Variants in OXCT1 observed in about 807,000 individuals in gnomAD.
OXCT1 encodes succinyl-CoA:3-ketoacid coenzyme A transferase 1, mitochondrial.
In OXCT1, 27 loss-of-function variants were observed where a neutral mutation model predicts 69.6. That is an observed-to-expected ratio of 0.39 (90% CI 0.29 to 0.54). OXCT1 has a LOEUF of 0.54. Among genes scored for constraint, OXCT1 ranks in the 20% least tolerant of loss-of-function variants. The pLI is 0.72. For missense variants in OXCT1, 437 were observed against 650.2 expected, an observed-to-expected ratio of 0.67 and a Z score of 3.57; for synonymous variants, 202 against 217.8, an observed-to-expected ratio of 0.93 and a Z score of 0.64.
At chr5:41,752,708 T>C (rs919054522) in intron 14 of OXCT1, among the ~76,000 whole-genome samples, 6 of 151,932 alleles carry the variant, frequency 3.9e-5, no homozygotes, top group African/African-American at 1.5e-4. Flanking sequence ...GCTCATGCCA[T>C]TGCACTCCAG....
chr5:41,835,814 C>T (rs1249773178), intron 7 of OXCT1, among the ~76,000 whole-genome samples: 1 of 152,182 alleles, frequency 6.6e-6, no homozygotes, highest in Non-Finnish European at 1.5e-5. Context: ...TCAGCAGCTT[C>T]AGTGGCTGAG....
rs1432811989 is a variant in OXCT1, at chr5:41,856,790, C to T, written c.279-3236G>A. Among the ~76,000 whole-genome samples the T allele has an allele frequency of 2.0e-5, 3 of 152,168 alleles. No homozygotes were observed. In the East Asian group the frequency reaches 5.8e-4, roughly 29 times the overall value. ...TAACATAAGCATTTTCAAGAGTGTA[C>T]TTTTGAGCTAGAATGCCCGGCAAGT... On this transcript the variant is annotated intron_variant, in intron 3 of 16. Coordinates refer to ENST00000196371, the MANE Select transcript of OXCT1 (RefSeq NM_000436.4).
At chr5:41,781,418 G>T (rs554026332) in intron 13 of OXCT1, among the ~76,000 whole-genome samples, 1 of 149,748 alleles carries the variant, frequency 6.7e-6, no homozygotes, top group Non-Finnish European at 1.5e-5. Context: ...TAAAGTGACC[G>T]CAGGGACACA....
At chr5:41,733,130 C>T (rs1023806776) in intron 16 of OXCT1, among the ~76,000 whole-genome samples, 55 of 151,958 alleles carry the variant, frequency 3.6e-4, no homozygotes, top group African/African-American at 1.3e-3. Flanking sequence ...CACATACGCA[C>T]AGATTTTCAA....
chr5:41,785,464 AT>A (rs1263639875), intron 13 of OXCT1, among the ~76,000 whole-genome samples: 1 of 152,244 alleles, frequency 6.6e-6, no homozygotes, highest in African/African-American at 2.4e-5. Flanking sequence ...ATTTTTAAAG[AT>A]TACTTAAAAG....
chr5:41,805,819 T>A, intron 8 of OXCT1, 138 bp from the exon 9 acceptor site: 1 of 673,612 alleles, frequency 1.5e-6, no homozygotes, highest in Admixed American at 2.2e-5. Context: ...ACCAGATATT[T>A]AAAAAATACT....
intron 3 of OXCT1, among the ~76,000 whole-genome samples, chr5:41,860,708 C>T (rs539226123): frequency 1.5e-4 from 23 of 152,218 alleles, no homozygotes; most frequent in African/African-American, 4.1e-4. Context: ...AAAAATATGG[C>T]TTTTCCTAAC....
At chr5:41,787,879 G>A (rs1017703598) in intron 13 of OXCT1, among the ~76,000 whole-genome samples, 12 of 151,912 alleles carry the variant, frequency 7.9e-5, no homozygotes, top group African/African-American at 2.9e-4. Flanking sequence ...TATAGAATTT[G>A]TGCTACAACA....
At position 41,808,700 on chromosome 5, in the gene OXCT1, G is replaced by A. The variant is rs562256122; in HGVS notation, c.733-1262C>T. Among the ~76,000 whole-genome samples the A allele has an allele frequency of 2.0e-5, 3 of 152,200 alleles. No individual in the cohort carries two copies. The East Asian group carries it at 5.8e-4, about 29-fold the overall frequency. ...GGGAAAGTGGGGCCGAAGACCCCTTGCCACTGCACTCTATGTCCTCCCCTT... is the reference window on the plus strand; with the variant it reads ...GGGAAAGTGGGGCCGAAGACCCCTTACCACTGCACTCTATGTCCTCCCCTT... On this transcript the variant is annotated intron_variant, in intron 7 of 16. Coordinates refer to ENST00000196371, the MANE Select transcript of OXCT1 (RefSeq NM_000436.4).
At chr5:41,801,603 GATTA>G (rs1430990536) in intron 10 of OXCT1, among the ~76,000 whole-genome samples, 1 of 152,068 alleles carries the variant, frequency 6.6e-6, no homozygotes, top group Non-Finnish European at 1.5e-5. Flanking sequence ...TTTCTGTGAG[GATTA>G]ATGAATACAA....
At chr5:41,743,886 T>C (rs1743327390) in intron 15 of OXCT1, among the ~76,000 whole-genome samples, 1 of 152,200 alleles carries the variant, frequency 6.6e-6, no homozygotes, top group Non-Finnish European at 1.5e-5. Flanking sequence ...ACTGTAGCCT[T>C]GTAGTATAGT....
intron 7 of OXCT1, among the ~76,000 whole-genome samples, chr5:41,813,274 G>A (rs1307324816): frequency 1.3e-5 from 2 of 152,036 alleles, no homozygotes; most frequent in African/African-American, 4.8e-5. Context: ...AAAGGTGTAT[G>A]CTCTGGTGTA....
intron 2 of OXCT1, 97 bp downstream of exon 2, chr5:41,862,545 A>G: frequency 1.4e-6 from 1 of 712,222 alleles, no homozygotes; most frequent in Admixed American, 2.1e-5. Flanking sequence ...ATAATAAAAT[A>G]ATTATCATTT....
chr5:41,851,197 G>GT (rs1554018338), intron 4 of OXCT1, among the ~76,000 whole-genome samples: 2 of 152,122 alleles, frequency 1.3e-5, no homozygotes, highest in Non-Finnish European at 2.9e-5. Context: ...ACCTTAAAAA[G>GT]TATTTTCTAC....
At chr5:41,752,076 C>T (rs1391963213) in intron 14 of OXCT1, among the ~76,000 whole-genome samples, 4 of 152,092 alleles carry the variant, frequency 2.6e-5, no homozygotes, top group African/African-American at 9.7e-5. Context: ...ATATTAGTGA[C>T]TCACAAAGGA....
In OXCT1 at chr5:41,730,243, T is replaced by C. The variant is rs1220334381; in HGVS notation, c.*1486A>G. 6.6e-6 allele frequency: 1 copy of C among 152,254 alleles called. No homozygotes were observed. Among genetic ancestry groups the C allele is most frequent in the Non-Finnish European group, 1.5e-5 (1 of 68,050 alleles). The allele number at this position is 152,254 out of a possible 1,614,324, so 9.4% of individuals were successfully genotyped here. A position where few individuals can be genotyped will look rare whatever the true frequency, so the allele number is the denominator to read the frequency against. On this transcript the variant is annotated 3_prime_UTR_variant, in exon 17 of 17. Transcript: ENST00000196371. ...TCTTTTCAAAATCATATCAATATAT[T>C]ACTCTCATGGAACTTGCACATTCTA...
chr5:41,787,198 T>C (rs544465137), intron 13 of OXCT1, among the ~76,000 whole-genome samples: 128 of 152,314 alleles, frequency 8.4e-4, no homozygotes, highest in African/African-American at 3.0e-3. Flanking sequence ...TTCTAGGGAT[T>C]TGTACTAAGA....
intron 16 of OXCT1, among the ~76,000 whole-genome samples, chr5:41,738,945 G>A (rs141478103): frequency 1.3e-5 from 2 of 152,236 alleles, no homozygotes; most frequent in African/African-American, 4.8e-5. Flanking sequence ...TATTTTCAAC[G>A]GATGAAATAT....
intron 14 of OXCT1, among the ~76,000 whole-genome samples, chr5:41,755,027 C>G (rs1743990531): frequency 6.6e-6 from 1 of 151,996 alleles, no homozygotes; most frequent in East Asian, 1.9e-4. Context: ...AAGGTTGCGT[C>G]CTATGATCTC....
Sources: gnomAD v4.1 joint callset for allele counts (sites outside exome capture counted in the v4.1 genomes callset) on GRCh38, gnomAD v4.1.1 for gene constraint, MANE v1.5 for transcripts, NCBI Gene and HGNC (gene_info 2026-07-23, HGNC 2026-07-21) for gene names.